EDA: variants seen among roughly 807,000 people sequenced by gnomAD.
EDA encodes the protein ectodysplasin-A.
A neutral mutation model predicts 23.6 loss-of-function variants in EDA; 2 were observed. That is an observed-to-expected ratio of 0.08 (90% CI 0.03 to 0.27). The LOEUF (loss-of-function observed/expected upper bound fraction) is 0.27, where lower values mean the gene tolerates loss of function less well. Among genes scored for constraint, EDA ranks in the 10% least tolerant of loss-of-function variants. The pLI is 1.00. For missense variants in EDA, 229 were observed against 324.2 expected (o/e 0.71, Z 2.26); for synonymous variants, 131 against 132.0 (o/e 0.99, Z 0.05).
rs2019017753 is a variant in EDA, at chrX:69,957,056, T to C, written c.426T>C (p.Asp142=). The C allele has an allele frequency of 8.3e-7, 1 of 1,209,875 alleles. No individual in the cohort carries two copies. Among genetic ancestry groups the C allele is most frequent in the Admixed American group, 2.2e-5 (1 of 45,815 alleles). Residue 142 remains aspartate (D), a synonymous_variant, in exon 2 of 8, where the codon GAT becomes GAC. Coordinates refer to ENST00000374552, the MANE Select transcript of EDA (RefSeq NM_001399.5). ...CCCTATTGAATTTCTTCTTCCCTGA[T>C]GAAAAGCCATACTCTGAAGAAGAAA... is the stretch of plus-strand genomic sequence containing the variant. ...QMALLNFFFP[D]EKPYSEEESR... is the part of the protein sequence containing the mutation.
rs2019447989 is a variant in EDA at position 69,983,570 on chromosome X, A to T, written c.502+26438A>T. Reference sequence around the variant, plus strand: ...GGGTTGAAAATTCTTTTCTTTAAGAATGTTGAATATTGGCCCCCACTCTCT... The same window carrying T: ...GGGTTGAAAATTCTTTTCTTTAAGATTGTTGAATATTGGCCCCCACTCTCT... On this transcript the variant is annotated intron_variant, in intron 2 of 7. Transcript: ENST00000374552. Among the ~76,000 whole-genome samples, 3 of 30,600 alleles carry T rather than the reference A, an allele frequency of 9.8e-5. No homozygotes were observed. The South Asian group carries it at 4.7e-3, about 48-fold the overall frequency. The allele number at this position is 30,600 out of a possible 115,157, so 26.6% of individuals were successfully genotyped here. A position where few individuals can be genotyped will look rare whatever the true frequency, so the allele number is the denominator to read the frequency against.
intron 7 of EDA, among the ~76,000 whole-genome samples, chrX:70,035,054 G>T (rs777305226): frequency 9.0e-6 from 1 of 111,454 alleles, no homozygotes; most frequent in Non-Finnish European, 1.9e-5. Context: ...AGGGGTGGGC[G>T]GGGGAACAGG....
At chrX:69,864,273 G>GA (rs2017449154) in intron 1 of EDA, among the ~76,000 whole-genome samples, 1 of 111,131 alleles carries the variant, frequency 9.0e-6, no homozygotes, top group Admixed American at 9.6e-5. Context: ...GATCACACCT[G>GA]AAAATTGATG....
At chrX:69,992,204 C>T (rs1243399457) in intron 2 of EDA, among the ~76,000 whole-genome samples, 6 of 111,804 alleles carry the variant, frequency 5.4e-5, no homozygotes, top group Non-Finnish European at 1.1e-4. Context: ...GGGAACTCAC[C>T]GCCATGTAGT....
At chrX:69,828,378 T>C (rs917593011) in intron 1 of EDA, among the ~76,000 whole-genome samples, 1 of 112,408 alleles carries the variant, frequency 8.9e-6, no homozygotes, top group Admixed American at 9.4e-5. Flanking sequence ...ACCCTCCGAG[T>C]CAGGTGTGGG....
intron 1 of EDA, among the ~76,000 whole-genome samples, chrX:69,924,964 G>A (rs1351882790): frequency 9.0e-6 from 1 of 111,406 alleles, no homozygotes; most frequent in Non-Finnish European, 1.9e-5. Flanking sequence ...TCTATTTTTG[G>A]TGTAAGGGAA....
intron 1 of EDA, among the ~76,000 whole-genome samples, chrX:69,782,788 A>G (rs1329274535): frequency 1.8e-5 from 2 of 112,063 alleles, no homozygotes; most frequent in African/African-American, 6.5e-5. Flanking sequence ...TTGACAAAGT[A>G]TCTAAAATAT....
intron 1 of EDA, among the ~76,000 whole-genome samples, chrX:69,681,853 C>T (rs1183130182): frequency 1.8e-5 from 2 of 111,783 alleles, no homozygotes; most frequent in African/African-American, 6.5e-5. Context: ...GGCTTTGTTC[C>T]GTTGCTGGTG....
At chrX:69,993,263 A>G (rs1015111408) in intron 2 of EDA, among the ~76,000 whole-genome samples, 11 of 111,326 alleles carry the variant, frequency 9.9e-5, no homozygotes, top group Non-Finnish European at 2.1e-4. Flanking sequence ...TTGAGTTTAA[A>G]ATGAGAAACT....
intron 1 of EDA, among the ~76,000 whole-genome samples, chrX:69,906,002 G>T (rs983763393): frequency 4.5e-5 from 5 of 111,556 alleles, no homozygotes; most frequent in African/African-American, 1.6e-4. Flanking sequence ...GAGCCCTCTT[G>T]CTGAACTCTG....
At chrX:70,030,431 C>G in intron 5 of EDA, 38 bp from the exon 6 acceptor site, 1 of 1,148,626 alleles carries the variant, frequency 8.7e-7, no homozygotes. Context: ...GCAGCCATTA[C>G]TCATAGTGAC....
chrX:69,677,775 G>A (rs1025789363), intron 1 of EDA, among the ~76,000 whole-genome samples: 1 of 111,529 alleles, frequency 9.0e-6, no homozygotes, highest in Admixed American at 9.5e-5. Flanking sequence ...TCTGTAGGTT[G>A]CCTGTTCACT....
intron 1 of EDA, among the ~76,000 whole-genome samples, chrX:69,896,419 G>GTA (rs1556027529): frequency 9.1e-6 from 1 of 109,358 alleles, no homozygotes; most frequent in Non-Finnish European, 1.9e-5. Context: ...GTGTGTGTGT[G>GTA]TGTGTGTGTG....
At chrX:69,922,382 T>C (rs904099259) in intron 1 of EDA, among the ~76,000 whole-genome samples, 1 of 112,303 alleles carries the variant, frequency 8.9e-6, no homozygotes, top group Non-Finnish European at 1.9e-5. Flanking sequence ...ACTGCCAAAC[T>C]GTCTTCCAAA....
chrX:69,979,653 A>G (rs1180303993), intron 2 of EDA, among the ~76,000 whole-genome samples: 1 of 111,968 alleles, frequency 8.9e-6, no homozygotes, highest in East Asian at 2.8e-4. Context: ...GATGTCAAGC[A>G]TCTTTTCATG....
chrX:69,650,425 G>A (rs749036868), intron 1 of EDA, among the ~76,000 whole-genome samples: 24 of 111,601 alleles, frequency 2.2e-4, no homozygotes, highest in African/African-American at 7.8e-4. Flanking sequence ...GGGAAGGGTC[G>A]TAGGGAGAGG....
intron 1 of EDA, among the ~76,000 whole-genome samples, chrX:69,628,867 G>C (rs778517539): frequency 1.9e-4 from 21 of 110,988 alleles, no homozygotes; most frequent in Non-Finnish European, 3.2e-4. Context: ...GGCTGTATTT[G>C]GCTTAGATGA....
rs749819485 is a variant in EDA, at chrX:69,700,140, T to G, written c.396+83436T>G. Among the ~76,000 whole-genome samples the G allele has an allele frequency of 4.4e-3, 485 of 110,730 alleles. 4 individuals carry two copies. The highest frequency in any genetic ancestry group is 0.015 in the African/African-American group (468 of 30,419). On this transcript the variant is annotated intron_variant, in intron 1 of 7. Coordinates refer to ENST00000374552, the MANE Select transcript of EDA (RefSeq NM_001399.5). ...CAAGAAGTTGAAAAGAGGGATAGTA[T>G]GGGTGTTGCAGTCTCTTTGAGAGGG...
intron 3 of EDA, among the ~76,000 whole-genome samples, chrX:70,024,753 ACTCT>A (rs200234076): frequency 0.012 from 1,338 of 110,990 alleles, 23 homozygotes; most frequent in African/African-American, 0.042. Flanking sequence ...TCCTTCCACA[ACTCT>A]CTCTCACTCA....
Sources: gnomAD v4.1 joint callset for allele counts (sites outside exome capture counted in the v4.1 genomes callset) on GRCh38, gnomAD v4.1.1 for gene constraint, MANE v1.5 for transcripts, NCBI Gene and HGNC (gene_info 2026-07-23, HGNC 2026-07-21) for gene names.